ZNF721: variants seen among roughly 807,000 people sequenced by gnomAD.
ZNF721 encodes the protein zinc finger protein 721.
A neutral mutation model predicts 2.4 loss-of-function variants in ZNF721; 2 were observed. That is an observed-to-expected ratio of 0.82 (90% CI 0.34 to 2.58). ZNF721 has a LOEUF of 2.58. ZNF721 is among the 30% of genes most tolerant of loss of function. ZNF721 has a pLI of 0.11. For synonymous variants in ZNF721, 398 were observed against 381.8 expected (o/e 1.04, Z -0.50); for missense variants, 1,187 against 1,085.5 (o/e 1.09, Z -1.31).
At chr4:483,769 T>C (rs1484797039) in intron 1 of ZNF721, among the ~76,000 whole-genome samples, 4 of 152,216 alleles carry the variant, frequency 2.6e-5, no homozygotes, top group Admixed American at 2.0e-4. Flanking sequence ...ATCGAAATAT[T>C]ACATATTTAA....
At chr4:494,570 CA>C (rs1329580633) in intron 1 of ZNF721, among the ~76,000 whole-genome samples, 2 of 152,072 alleles carry the variant, frequency 1.3e-5, no homozygotes, top group Non-Finnish European at 2.9e-5. Flanking sequence ...TTCACAACCC[CA>C]GGCAGTTGTC....
At chr4:456,468 C>T (rs911839438) in intron 2 of ZNF721, among the ~76,000 whole-genome samples, 15 of 152,204 alleles carry the variant, frequency 9.9e-5, no homozygotes, top group African/African-American at 3.4e-4. Context: ...CTGAATTATA[C>T]ATATATTTTA....
intron 2 of ZNF721, among the ~76,000 whole-genome samples, chr4:454,961 A>G (rs1714800030): frequency 6.6e-6 from 1 of 152,210 alleles, no homozygotes; most frequent in African/African-American, 2.4e-5. Context: ...ACTCATTACA[A>G]AAAGAGCTAG....
intron 1 of ZNF721, chr4:473,898 CAG>C: frequency 6.9e-7 from 1 of 1,451,484 alleles, no homozygotes; most frequent in Non-Finnish European, 9.3e-7. Context: ...ACTCCGTTCG[CAG>C]ACTCAGTCCC....
chr4:473,626 G>T (rs570115436), intron 1 of ZNF721, among the ~76,000 whole-genome samples: 158 of 152,308 alleles, frequency 1.0e-3, no homozygotes, highest in Non-Finnish European at 1.6e-3. Flanking sequence ...GTTTTGATGG[G>T]GCCTCGATCT....
intron 1 of ZNF721, among the ~76,000 whole-genome samples, chr4:486,194 C>T (rs1490057702): frequency 7.1e-6 from 1 of 141,072 alleles, no homozygotes; most frequent in Non-Finnish European, 1.5e-5. Context: ...GAGTCTCGCT[C>T]TGTCGCCCAG....
At position 455,103 on chromosome 4, in the gene ZNF721, A is replaced by G. The variant is rs147398288; in HGVS notation, c.35-10671T>C. ...CCTCCATAGTCTGGTGAATGTAAAT[A>G]TATGTATCTCTTTTCCCTTCTCCCC... On this transcript the variant is annotated intron_variant, in intron 2 of 2. Transcript: ENST00000511833. Among the ~76,000 whole-genome samples, 15 of 152,288 alleles carry G rather than the reference A, an allele frequency of 9.8e-5. No homozygotes were observed. In the East Asian group the frequency reaches 2.5e-3, roughly 25 times the overall value.
At chr4:480,899 C>T (rs1413894922) in intron 1 of ZNF721, among the ~76,000 whole-genome samples, 2 of 151,032 alleles carry the variant, frequency 1.3e-5, no homozygotes, top group African/African-American at 2.5e-5. Context: ...TACATAGATA[C>T]CCAGAAATGG....
At chr4:479,058 C>T (rs568220620) in intron 1 of ZNF721, among the ~76,000 whole-genome samples, 42 of 152,248 alleles carry the variant, frequency 2.8e-4, no homozygotes, top group East Asian at 7.7e-4. Context: ...TGAACCACCG[C>T]GCCCGGCCCA....
At chr4:455,620 G>GT (rs1434845332) in intron 2 of ZNF721, among the ~76,000 whole-genome samples, 1 of 149,858 alleles carries the variant, frequency 6.7e-6, no homozygotes, top group Non-Finnish European at 1.5e-5. Context: ...TGTGAAGACA[G>GT]TAAAAAAGAA....
In ZNF721 at chr4:441,621, A is replaced by T; in HGVS notation, c.*74T>A. 1.6e-6 allele frequency: 2 copies of T among 1,281,950 alleles called. No homozygotes were observed. The highest frequency in any genetic ancestry group is 1.1e-6 in the Non-Finnish European group (1 of 938,744). 79.4% of individuals were successfully genotyped at this position (1,281,950 alleles called of 1,614,324 possible). A position where few individuals can be genotyped will look rare whatever the true frequency, so the allele number is the denominator to read the frequency against. Reference sequence around the variant, plus strand: ...AGACCGCGACATTCGTCACCTTCGTAAGACATTCCCCTGGTATGAGTTCTC... The same window carrying T: ...AGACCGCGACATTCGTCACCTTCGTTAGACATTCCCCTGGTATGAGTTCTC... On this transcript the variant is annotated 3_prime_UTR_variant, in exon 3 of 3. Coordinates refer to ENST00000511833, the MANE Select transcript of ZNF721 (RefSeq NM_133474.4).
chr4:468,617 T>A (rs1715333343), intron 2 of ZNF721, among the ~76,000 whole-genome samples: 1 of 152,022 alleles, frequency 6.6e-6, no homozygotes, highest in African/African-American at 2.4e-5. Context: ...ACTGTCTAAA[T>A]CTCTGGTAAC....
In ZNF721 at chr4:442,136, T is replaced by G; in HGVS notation, c.2331A>C (p.Gly777=). 1 of 1,613,692 alleles carries G rather than the reference T, an allele frequency of 6.2e-7. No homozygotes were observed. Among genetic ancestry groups the G allele is most frequent in the East Asian group, 2.2e-5 (1 of 44,868 alleles). ...ATTCCTTACATTTGTAGGGTTTCTT[T>G]CCAGTATGAATTTTCTCATGTCTAT... The part of the protein sequence containing the change: ...HLNRHEKIHT[G]KKPYKCKECG... Residue 777 remains glycine, a synonymous_variant, in exon 3 of 3, where the codon GGA becomes GGC. Transcript: ENST00000511833.
intron 2 of ZNF721, among the ~76,000 whole-genome samples, chr4:445,083 C>A (rs1286446324): frequency 6.8e-6 from 1 of 147,180 alleles, no homozygotes; most frequent in Non-Finnish European, 1.5e-5. Context: ...CTCCTGGGTT[C>A]ATGCCATTCT....
intron 1 of ZNF721, among the ~76,000 whole-genome samples, chr4:474,327 C>T (rs1483042561): frequency 2.0e-5 from 3 of 152,094 alleles, no homozygotes; most frequent in Non-Finnish European, 2.9e-5. Flanking sequence ...ACTAGTACCT[C>T]CAGGCACTTT....
chr4:493,326 C>G (rs1716072338), intron 1 of ZNF721, among the ~76,000 whole-genome samples: 1 of 152,186 alleles, frequency 6.6e-6, no homozygotes, highest in African/African-American at 2.4e-5. Context: ...AGTCCTTTCT[C>G]AAAACAAACC....
At chr4:496,295 C>A (rs1340747676) in intron 1 of ZNF721, among the ~76,000 whole-genome samples, 1 of 152,052 alleles carries the variant, frequency 6.6e-6, no homozygotes, top group Non-Finnish European at 1.5e-5. Context: ...GGGCTGTTAC[C>A]CCCCGAACTG....
At chr4:474,201 T>C (rs1715562803) in intron 1 of ZNF721, 3 of 423,376 alleles carry the variant, frequency 7.1e-6, no homozygotes, top group Non-Finnish European at 1.3e-5. Flanking sequence ...GCGCGCCTGA[T>C]TGGGCAGTTC....
At chr4:454,396 ATGT>A (rs1560230577) in intron 2 of ZNF721, among the ~76,000 whole-genome samples, 1 of 152,234 alleles carries the variant, frequency 6.6e-6, no homozygotes, top group Non-Finnish European at 1.5e-5. Context: ...CACTGGACTT[ATGT>A]TGTTGTCAGA....
Sources: allele counts gnomAD v4.1 joint callset (sites outside exome capture counted in the v4.1 genomes callset), GRCh38; gene constraint gnomAD v4.1.1; transcripts MANE v1.5; gene names NCBI Gene and HGNC (gene_info 2026-07-23, HGNC 2026-07-21).